Variants in AMOTL1 observed in about 807,000 individuals in gnomAD.
AMOTL1 encodes the protein angiomotin-like protein 1.
AMOTL1 carries 45 observed loss-of-function variants against 102.9 expected under a neutral mutation model. The observed-to-expected ratio is 0.44, with a 90% CI of 0.34 to 0.56. The LOEUF is 0.56. AMOTL1 is among the 20% of genes least tolerant of loss of function. The pLI, the probability that AMOTL1 is intolerant of heterozygous loss-of-function variation, is 0.01. For synonymous variants in AMOTL1, 481 were observed against 484.7 expected, an observed-to-expected ratio of 0.99 and a Z score of 0.10; for missense variants, 1,114 against 1,225.6, an observed-to-expected ratio of 0.91 and a Z score of 1.36.
chr11:94,833,316 A>T (rs1952111278), intron 6 of AMOTL1, among the ~76,000 whole-genome samples: 2 of 152,200 alleles, frequency 1.3e-5, no homozygotes, highest in Non-Finnish European at 2.9e-5. Context: ...AATTATTTAC[A>T]TTAGTTTTTC....
chr11:94,832,469 C>A (rs925830913), intron 6 of AMOTL1, among the ~76,000 whole-genome samples: 1 of 152,160 alleles, frequency 6.6e-6, no homozygotes, highest in Non-Finnish European at 1.5e-5. Flanking sequence ...TCTTGTGTGT[C>A]CCCCAGATTG....
intron 3 of AMOTL1, among the ~76,000 whole-genome samples, chr11:94,746,583 G>C (rs1323994283): frequency 6.6e-6 from 1 of 151,980 alleles, no homozygotes; most frequent in Non-Finnish European, 1.5e-5. Flanking sequence ...TTTCTCCCCT[G>C]GCTTGCTCCT....
intron 2 of AMOTL1, among the ~76,000 whole-genome samples, chr11:94,798,346 G>A (rs538371562): frequency 1.9e-4 from 29 of 152,256 alleles, no homozygotes; most frequent in African/African-American, 5.8e-4. Flanking sequence ...AGATTGGCAC[G>A]GGAATAAGAA....
At chr11:94,792,426 C>A (rs568638657) in intron 1 of AMOTL1, among the ~76,000 whole-genome samples, 14 of 152,350 alleles carry the variant, frequency 9.2e-5, no homozygotes, top group African/African-American at 2.6e-4. Context: ...ATGTAACAAA[C>A]CTGCACGTTG....
chr11:94,709,846 T>C (rs547573165), intron 1 of AMOTL1, among the ~76,000 whole-genome samples: 2 of 152,262 alleles, frequency 1.3e-5, no homozygotes, highest in Admixed American at 6.5e-5. Flanking sequence ...CCTTGTTTAC[T>C]CTGAAGCCGG....
chr11:94,709,761 G>GATAATA (rs1949991646), intron 1 of AMOTL1, among the ~76,000 whole-genome samples: 1 of 152,134 alleles, frequency 6.6e-6, no homozygotes, highest in Non-Finnish European at 1.5e-5. Flanking sequence ...AACATTGAGA[G>GATAATA]ATAATAACAA....
At chr11:94,785,545 G>A (rs1481186433) in intron 1 of AMOTL1, among the ~76,000 whole-genome samples, 3 of 152,156 alleles carry the variant, frequency 2.0e-5, no homozygotes, top group Non-Finnish European at 2.9e-5. Flanking sequence ...TGGAGATATT[G>A]GTTGTTTAAA....
intron 3 of AMOTL1, among the ~76,000 whole-genome samples, chr11:94,749,113 G>T (rs1950621700): frequency 6.6e-6 from 1 of 152,204 alleles, no homozygotes; most frequent in Non-Finnish European, 1.5e-5. Flanking sequence ...CAGGCTGTCT[G>T]CAAGCTGGGG....
At chr11:94,760,824 T>A (rs948662365) in intron 3 of AMOTL1, among the ~76,000 whole-genome samples, 7 of 152,368 alleles carry the variant, frequency 4.6e-5, no homozygotes, top group African/African-American at 1.7e-4. Context: ...TCAATAATTT[T>A]TTTTGATGGT....
intron 9 of AMOTL1, among the ~76,000 whole-genome samples, chr11:94,862,597 T>A (rs533805768): frequency 6.6e-6 from 1 of 152,368 alleles, no homozygotes; most frequent in Non-Finnish European, 1.5e-5. Context: ...TGAAAATTTT[T>A]AAAAATTTCA....
intron 3 of AMOTL1, among the ~76,000 whole-genome samples, chr11:94,759,927 G>C (rs186145608): frequency 2.4e-3 from 362 of 152,320 alleles, no homozygotes; most frequent in African/African-American, 8.0e-3. Context: ...CTCAAAGTGT[G>C]GTCCATGGAC....
chr11:94,868,745 G>A lies in AMOTL1; in HGVS notation c.2489-453G>A, dbSNP rs896959034. Among the ~76,000 whole-genome samples, 7 of 152,206 alleles carry A rather than the reference G, an allele frequency of 4.6e-5. No individual in the cohort carries two copies. The East Asian group carries it at 1.2e-3, about 25-fold the overall frequency. On this transcript the variant is annotated intron_variant, in intron 11 of 12. Coordinates refer to ENST00000433060, the MANE Select transcript of AMOTL1 (RefSeq NM_130847.3). ...TAGTTTTTCTTAAGCACACTGCCACGCTTCAGGCCAGCCCTTCTGGGCCAC... is the reference window on the plus strand; with the variant it reads ...TAGTTTTTCTTAAGCACACTGCCACACTTCAGGCCAGCCCTTCTGGGCCAC...
At chr11:94,709,474 A>C (rs1949986339) in intron 1 of AMOTL1, among the ~76,000 whole-genome samples, 2 of 152,212 alleles carry the variant, frequency 1.3e-5, no homozygotes, top group South Asian at 4.1e-4. Context: ...GGAGATATGC[A>C]GAATCAGCTC....
chr11:94,834,523 C>T (rs1404171217), intron 6 of AMOTL1, among the ~76,000 whole-genome samples: 1 of 151,872 alleles, frequency 6.6e-6, no homozygotes, highest in Non-Finnish European at 1.5e-5. Context: ...ACCCGGGAGG[C>T]GGGGCTTGCA....
chr11:94,767,148 G>T (rs950194651), upstream of AMOTL1, among the ~76,000 whole-genome samples: 4 of 152,084 alleles, frequency 2.6e-5, no homozygotes, highest in African/African-American at 9.7e-5. Context: ...CACACATCTT[G>T]TCTTCTTAGA....
intron 4 of AMOTL1, among the ~76,000 whole-genome samples, chr11:94,823,246 A>G (rs1951900558): frequency 6.6e-6 from 1 of 152,170 alleles, no homozygotes; most frequent in Admixed American, 6.5e-5. Context: ...GCTTCCACTG[A>G]AAAGGTCTGG....
chr11:94,794,088 A>G (rs955577055), intron 1 of AMOTL1, among the ~76,000 whole-genome samples: 7 of 152,356 alleles, frequency 4.6e-5, no homozygotes, highest in African/African-American at 1.7e-4. Context: ...TCAAATTACC[A>G]GTTGGAAGCC....
At chr11:94,827,653 A>T (rs1951990799) in intron 4 of AMOTL1, among the ~76,000 whole-genome samples, 1 of 152,186 alleles carries the variant, frequency 6.6e-6, no homozygotes, top group Non-Finnish European at 1.5e-5. Flanking sequence ...CCACAGAAGA[A>T]CCAACTCTGG....
chr11:94,843,324 T>G (rs916128716), intron 6 of AMOTL1, among the ~76,000 whole-genome samples: 16 of 152,232 alleles, frequency 1.1e-4, no homozygotes, highest in African/African-American at 3.6e-4. Flanking sequence ...GGATTCTATT[T>G]TTTTTGAGTC....
Sources: gnomAD v4.1 joint callset for allele counts (sites outside exome capture counted in the v4.1 genomes callset) on GRCh38, gnomAD v4.1.1 for gene constraint, MANE v1.5 for transcripts, NCBI Gene and HGNC (gene_info 2026-07-23, HGNC 2026-07-21) for gene names.